Variants in PPARGC1B observed in about 807,000 individuals in gnomAD.
PPARGC1B encodes the protein PPARG coactivator 1 beta, also known as peroxisome proliferator-activated receptor gamma coactivator 1-beta.
Under a neutral mutation model 101.6 loss-of-function variants are expected in PPARGC1B, and 34 were observed. That is an observed-to-expected ratio of 0.33 (90% confidence interval 0.25 to 0.45). The LOEUF (loss-of-function observed/expected upper bound fraction) is 0.45, where lower values mean the gene tolerates loss of function less well. Ranked by LOEUF, PPARGC1B falls within the 20% of genes least tolerant of loss-of-function variation. The pLI is 1.00. For missense variants in PPARGC1B, 1,234 were observed against 1,317.6 expected, an observed-to-expected ratio of 0.94 and a Z score of 0.98; for synonymous variants, 548 against 539.3, an observed-to-expected ratio of 1.02 and a Z score of -0.22.
At chr5:149,808,988 A>C (rs903298710) in intron 1 of PPARGC1B, among the ~76,000 whole-genome samples, 1 of 152,106 alleles carries the variant, frequency 6.6e-6, no homozygotes, top group African/African-American at 2.4e-5. Flanking sequence ...AAAAATGTTT[A>C]AAATGGGCCA....
At chr5:149,839,111 T>C (rs1759228140) in intron 8 of PPARGC1B, among the ~76,000 whole-genome samples, 1 of 152,212 alleles carries the variant, frequency 6.6e-6, no homozygotes, top group Non-Finnish European at 1.5e-5. Flanking sequence ...ATGAGGAAGC[T>C]GAGGCTCAAA....
chr5:149,803,115 C>G (rs1033173240), intron 1 of PPARGC1B, among the ~76,000 whole-genome samples: 2 of 152,170 alleles, frequency 1.3e-5, no homozygotes, highest in Non-Finnish European at 2.9e-5. Context: ...CCCTGGTTGT[C>G]TGCTCTCTGA....
chr5:149,810,427 G>A (rs945503342), intron 1 of PPARGC1B, among the ~76,000 whole-genome samples: 1 of 152,196 alleles, frequency 6.6e-6, no homozygotes, highest in African/African-American at 2.4e-5. Context: ...AGCTGACCTC[G>A]GTGCTGAAGG....
intron 1 of PPARGC1B, among the ~76,000 whole-genome samples, chr5:149,741,267 C>T (rs1754894006): frequency 6.6e-6 from 1 of 152,220 alleles, no homozygotes; most frequent in Non-Finnish European, 1.5e-5. Context: ...AGCCGGCCCA[C>T]GAGTCGCTCC....
intron 1 of PPARGC1B, among the ~76,000 whole-genome samples, chr5:149,775,269 A>G (rs1756313994): frequency 6.6e-6 from 1 of 152,168 alleles, no homozygotes. Flanking sequence ...CATAGTGGTA[A>G]TAGGAGGTGA....
intron 1 of PPARGC1B, among the ~76,000 whole-genome samples, chr5:149,802,666 A>C (rs943096740): frequency 6.6e-6 from 1 of 150,646 alleles, no homozygotes; most frequent in Admixed American, 6.7e-5. Context: ...TGAGGCATAC[A>C]CAGCTTTATC....
chr5:149,789,359 C>T (rs1389176995), intron 1 of PPARGC1B, among the ~76,000 whole-genome samples: 1 of 152,138 alleles, frequency 6.6e-6, no homozygotes, highest in Non-Finnish European at 1.5e-5. Context: ...GACTTATGTA[C>T]ACAGGTTGTG....
Position 149,851,778 on chromosome 5 carries a change from GA to G in PPARGC1B, c.*4223del, listed in dbSNP as rs1201625359. Reference sequence around the variant, plus strand: ...TAAATGGAGGGGAGCTGCAGAGTTGGAAACCCACATGCATGGATGTGTCCTT... The same window carrying G: ...TAAATGGAGGGGAGCTGCAGAGTTGGAACCCACATGCATGGATGTGTCCTT... On this transcript the variant is annotated 3_prime_UTR_variant, in exon 12 of 12. Coordinates refer to ENST00000309241, the MANE Select transcript of PPARGC1B (RefSeq NM_133263.4). The G allele has an allele frequency of 1.3e-5, 2 of 152,230 alleles. No homozygotes were observed. The highest frequency in any genetic ancestry group is 2.4e-5 in the African/African-American group (1 of 41,430). 9.4% of individuals were successfully genotyped at this position (152,230 alleles called of 1,614,324 possible).
chr5:149,769,512 T>G (rs1198281267), intron 1 of PPARGC1B, among the ~76,000 whole-genome samples: 1 of 152,188 alleles, frequency 6.6e-6, no homozygotes, highest in African/African-American at 2.4e-5. Context: ...TCTTTCCCCA[T>G]GGCTGAGAGA....
intron 1 of PPARGC1B, among the ~76,000 whole-genome samples, chr5:149,767,233 T>G (rs1252128993): frequency 6.6e-6 from 1 of 152,188 alleles, no homozygotes; most frequent in Non-Finnish European, 1.5e-5. Context: ...GGGACCTATG[T>G]GGGTGTTCAT....
At position 149,786,599 on chromosome 5, in the gene PPARGC1B, C is replaced by T. The variant is rs565095665; in HGVS notation, c.79-33834C>T. 1.8e-4 allele frequency among the ~76,000 whole-genome samples: 27 copies of T among 152,272 alleles called. 1 individual carries two copies. The highest frequency in any genetic ancestry group is 3.4e-3 in the Middle Eastern group (1 of 294). On this transcript the variant is annotated intron_variant, in intron 1 of 11. Coordinates refer to ENST00000309241, the MANE Select transcript of PPARGC1B (RefSeq NM_133263.4). Reference sequence around the variant, plus strand: ...GCAGGAGCCAAGATCCAGAGGCAGGCGTGTGTGCAGATACCTTCCCAGAAA... The same window carrying T: ...GCAGGAGCCAAGATCCAGAGGCAGGTGTGTGTGCAGATACCTTCCCAGAAA...
intron 1 of PPARGC1B, among the ~76,000 whole-genome samples, chr5:149,800,203 C>G (rs1757385720): frequency 6.6e-6 from 1 of 152,172 alleles, no homozygotes; most frequent in African/African-American, 2.4e-5. Context: ...GTGTACCTAT[C>G]TATGCATCAT....
chr5:149,739,618 G>A (rs1184080565), intron 1 of PPARGC1B, among the ~76,000 whole-genome samples: 1 of 152,160 alleles, frequency 6.6e-6, no homozygotes, highest in Non-Finnish European at 1.5e-5. Context: ...CTTGCGAGGT[G>A]CGGTGGGCCT....
chr5:149,787,082 C>T (rs944111300), intron 1 of PPARGC1B, among the ~76,000 whole-genome samples: 2 of 152,242 alleles, frequency 1.3e-5, no homozygotes, highest in Non-Finnish European at 2.9e-5. Flanking sequence ...AGCTCCATTT[C>T]CACACAGGCT....
At chr5:149,750,250 G>A (rs1755236827) in intron 1 of PPARGC1B, among the ~76,000 whole-genome samples, 1 of 151,696 alleles carries the variant, frequency 6.6e-6, no homozygotes. Flanking sequence ...CATTCATGGG[G>A]GTGGAAAGAT....
intron 1 of PPARGC1B, among the ~76,000 whole-genome samples, chr5:149,743,219 G>T (rs1201159205): frequency 6.9e-6 from 1 of 144,786 alleles, no homozygotes; most frequent in Non-Finnish European, 1.5e-5. Flanking sequence ...GCAGTGGTGT[G>T]ATCTCGGCTC....
intron 1 of PPARGC1B, among the ~76,000 whole-genome samples, chr5:149,779,052 T>G (rs887708668): frequency 1.4e-4 from 22 of 152,010 alleles, no homozygotes; most frequent in African/African-American, 4.1e-4. Context: ...ACTAGACTCC[T>G]CAGAAGGAGG....
At chr5:149,844,171 A>G (rs1269320693) in intron 10 of PPARGC1B, among the ~76,000 whole-genome samples, 1 of 152,236 alleles carries the variant, frequency 6.6e-6, no homozygotes, top group Non-Finnish European at 1.5e-5. Flanking sequence ...TTAAAAAAGA[A>G]CCATTATACA....
chr5:149,844,336 C>T (rs896555660), intron 10 of PPARGC1B, among the ~76,000 whole-genome samples: 1 of 152,180 alleles, frequency 6.6e-6, no homozygotes, highest in South Asian at 2.1e-4. Flanking sequence ...CTTGGACGTA[C>T]TACCAATATT....
Sources: allele counts gnomAD v4.1 joint callset (sites outside exome capture counted in the v4.1 genomes callset), GRCh38; gene constraint gnomAD v4.1.1; transcripts MANE v1.5; gene names NCBI Gene and HGNC (gene_info 2026-07-23, HGNC 2026-07-21).